RIMKLB: variants seen among roughly 807,000 people sequenced by gnomAD.
RIMKLB encodes ribosomal modification protein rimK like family member B, also known as beta-citrylglutamate synthase B.
Under a neutral mutation model 32.0 loss-of-function variants are expected in RIMKLB, and 7 were observed. That is an observed-to-expected ratio of 0.22 (90% confidence interval 0.12 to 0.41). The LOEUF (loss-of-function observed/expected upper bound fraction) is 0.41. Ranked by LOEUF, RIMKLB falls within the 10% of genes least tolerant of loss-of-function variation. The pLI is 1.00. For synonymous variants in RIMKLB, 172 were observed against 185.1 expected, an observed-to-expected ratio of 0.93 and a Z score of 0.57; for missense variants, 289 against 498.7, an observed-to-expected ratio of 0.58 and a Z score of 4.00.
intron 5 of RIMKLB, among the ~76,000 whole-genome samples, chr12:8,769,160 A>T (rs1011050676): frequency 6.6e-6 from 1 of 152,144 alleles, no homozygotes; most frequent in Admixed American, 6.5e-5. Context: ...GATCCAAGGG[A>T]TCAGTTTTGC....
the RIMKLB span, among the ~76,000 whole-genome samples, chr12:8,673,307 G>A: frequency 1.3e-5 from 2 of 152,106 alleles, no homozygotes; most frequent in Admixed American, 6.5e-5. Flanking sequence ...ACAAGTTTTC[G>A]TGAATCACTG....
chr12:8,782,782 A>G lies in RIMKLB; in HGVS notation c.*298-130A>G, dbSNP rs764103600. The G allele has an allele frequency of 3.3e-5, 5 of 152,300 alleles. No individual in the cohort carries two copies. In the South Asian group the frequency reaches 6.2e-4, roughly 19 times the overall value. 9.4% of individuals were successfully genotyped at this position (152,300 alleles called of 1,614,324 possible). On this transcript the variant is annotated intron_variant, in intron 7 of 7. Transcript: ENST00000619374. ...ATAACACAAAACTGTGGTTTTTGGT[A>G]GTCTAATCAATTTAGAATGTTTTAT...
intron 1 of RIMKLB, among the ~76,000 whole-genome samples, chr12:8,710,677 C>G (rs752839811): frequency 1.1e-4 from 17 of 152,184 alleles, no homozygotes; most frequent in South Asian, 6.2e-4. Context: ...TCAGAATCAT[C>G]GGGAACACTG....
chr12:8,708,705 T>G (rs981075635), intron 1 of RIMKLB, among the ~76,000 whole-genome samples: 3 of 152,204 alleles, frequency 2.0e-5, no homozygotes, highest in Non-Finnish European at 4.4e-5. Context: ...TAGAAAAAAT[T>G]TAGGAAATCT....
chr12:8,675,795 CTTT>C, the RIMKLB span, among the ~76,000 whole-genome samples: 15 of 132,942 alleles, frequency 1.1e-4, no homozygotes, highest in Non-Finnish European at 4.9e-5. Flanking sequence ...TCTTGTTTTT[CTTT>C]TTTTTTTTTT....
At chr12:8,701,640 C>T (rs1943409681) in intron 1 of RIMKLB, among the ~76,000 whole-genome samples, 1 of 149,268 alleles carries the variant, frequency 6.7e-6, no homozygotes, top group Non-Finnish European at 1.5e-5. Context: ...AAGCACAGGC[C>T]TGATCTCTTT....
At chr12:8,732,756 TACACACACACAC>T (rs775849283) in intron 2 of RIMKLB, among the ~76,000 whole-genome samples, 1 of 150,048 alleles carries the variant, frequency 6.7e-6, no homozygotes. Flanking sequence ...TATATATATA[TACACACACACAC>T]ACACACACAC....
At chr12:8,711,395 A>G (rs1173629488) in intron 1 of RIMKLB, among the ~76,000 whole-genome samples, 1 of 152,142 alleles carries the variant, frequency 6.6e-6, no homozygotes, top group African/African-American at 2.4e-5. Context: ...ACCATGTCTC[A>G]GAAAGAAAAA....
intron 5 of RIMKLB, among the ~76,000 whole-genome samples, chr12:8,764,356 G>T (rs1444276039): frequency 1.3e-5 from 2 of 152,152 alleles, no homozygotes; most frequent in African/African-American, 4.8e-5. Flanking sequence ...CCTATATTCA[G>T]GTGTATAATG....
the RIMKLB span, among the ~76,000 whole-genome samples, chr12:8,670,526 C>T: frequency 6.6e-6 from 1 of 152,238 alleles, no homozygotes; most frequent in Non-Finnish European, 1.5e-5. Flanking sequence ...CACAGTGATA[C>T]AAGAGGTGGG....
the RIMKLB span, among the ~76,000 whole-genome samples, chr12:8,672,275 TCTAATCTCTGC>T: frequency 6.6e-6 from 1 of 152,204 alleles, no homozygotes; most frequent in Non-Finnish European, 1.5e-5. Context: ...TTCAAACTGT[TCTAATCTCTGC>T]CTGTTACCCA....
At chr12:8,741,917 G>A (rs1947580600) in intron 2 of RIMKLB, among the ~76,000 whole-genome samples, 1 of 150,252 alleles carries the variant, frequency 6.7e-6, no homozygotes, top group African/African-American at 2.5e-5. Flanking sequence ...TATTAAAAAA[G>A]GAGAGCTTTT....
downstream of RIMKLB, among the ~76,000 whole-genome samples, chr12:8,781,232 G>A (rs753186815): frequency 6.6e-6 from 1 of 152,094 alleles, no homozygotes; most frequent in Admixed American, 6.5e-5. Context: ...TCCCAGCTAC[G>A]CGGGAGGCTG....
At chr12:8,749,831 A>G (rs770331689) in intron 2 of RIMKLB, 31 bp from the exon 3 acceptor site, 5 of 1,403,300 alleles carry the variant, frequency 3.6e-6, no homozygotes, top group African/African-American at 2.8e-5. Flanking sequence ...TTTCCCTCTA[A>G]TTGTGTTGGT....
At chr12:8,781,705 TAA>T (rs1265846658), downstream of RIMKLB, among the ~76,000 whole-genome samples, 10 of 152,354 alleles carry the variant, frequency 6.6e-5, no homozygotes, top group Admixed American at 2.0e-4. Context: ...CTGTTTTTCC[TAA>T]GAGAGTGTGC....
intron 2 of RIMKLB, among the ~76,000 whole-genome samples, chr12:8,730,672 T>C (rs1049966657): frequency 6.6e-6 from 1 of 152,220 alleles, no homozygotes; most frequent in South Asian, 2.1e-4. Context: ...AACTTTGCAT[T>C]GTGGAAAGGG....
intron 1 of RIMKLB, among the ~76,000 whole-genome samples, chr12:8,713,581 G>A (rs1458592116): frequency 3.3e-5 from 5 of 152,134 alleles, no homozygotes; most frequent in African/African-American, 4.8e-5. Flanking sequence ...AAGTTGCAGT[G>A]CCAGTTTCCC....
chr12:8,740,944 C>G (rs1947452208), intron 2 of RIMKLB, among the ~76,000 whole-genome samples: 1 of 151,984 alleles, frequency 6.6e-6, no homozygotes, highest in East Asian at 1.9e-4. Flanking sequence ...CGGGGTGGCT[C>G]ACGCCTGTAA....
At chr12:8,728,790 TTTG>T in intron 2 of RIMKLB, among the ~76,000 whole-genome samples, 1 of 141,584 alleles carries the variant, frequency 7.1e-6, no homozygotes, top group Non-Finnish European at 1.5e-5. Context: ...TGTGTGTGTT[TTTG>T]TTTGTTTGTT....
Sources: gnomAD v4.1 joint callset for allele counts (sites outside exome capture counted in the v4.1 genomes callset) on GRCh38, gnomAD v4.1.1 for gene constraint, MANE v1.5 for transcripts, NCBI Gene and HGNC (gene_info 2026-07-23, HGNC 2026-07-21) for gene names.